SCAPER: variants seen among roughly 807,000 people sequenced by gnomAD.
SCAPER encodes the protein S-phase cyclin A associated protein in the ER, also known as S phase cyclin A-associated protein in the endoplasmic reticulum.
Under a neutral mutation model 182.2 loss-of-function variants are expected in SCAPER, and 98 were observed. The ratio of observed to expected loss-of-function variants is 0.54; its 90% CI spans 0.46 to 0.64. The LOEUF (loss-of-function observed/expected upper bound fraction) is 0.64, where lower values mean the gene tolerates loss of function less well. Ranked by LOEUF, SCAPER falls within the 30% of genes least tolerant of loss-of-function variation. The pLI is 0.00. For missense variants in SCAPER, 1,432 were observed against 1,690.0 expected, an observed-to-expected ratio of 0.85 and a Z score of 2.68; for synonymous variants, 605 against 564.6, an observed-to-expected ratio of 1.07 and a Z score of -1.01.
At chr15:76,736,127 T>C (rs1329135281) in intron 15 of SCAPER, among the ~76,000 whole-genome samples, 3 of 152,260 alleles carry the variant, frequency 2.0e-5, no homozygotes, top group Non-Finnish European at 4.4e-5. Context: ...TCCCAATGCA[T>C]ATAAGTTATT....
At chr15:76,798,128 G>A (rs1489206443) in intron 7 of SCAPER, among the ~76,000 whole-genome samples, 2 of 152,096 alleles carry the variant, frequency 1.3e-5, no homozygotes, top group African/African-American at 2.4e-5. Flanking sequence ...GGGAGCCCAA[G>A]GAGGGTGGAT....
At chr15:76,502,765 G>A (rs1375429220) in intron 24 of SCAPER, among the ~76,000 whole-genome samples, 1 of 152,154 alleles carries the variant, frequency 6.6e-6, no homozygotes, top group Non-Finnish European at 1.5e-5. Context: ...AAAGTGAGAT[G>A]AAGGAACAAG....
At chr15:76,623,605 C>T (rs763414356) in intron 21 of SCAPER, among the ~76,000 whole-genome samples, 8 of 152,068 alleles carry the variant, frequency 5.3e-5, no homozygotes, top group South Asian at 2.1e-4. Flanking sequence ...ATTGGTCTTA[C>T]GTGTCTGCTT....
Position 76,753,811 on chromosome 15 carries a change from A to G in SCAPER, c.1863T>C (p.Ala621=). 6.2e-7 allele frequency: 1 copy of G among 1,612,286 alleles called. No homozygotes were observed. Among genetic ancestry groups the G allele is most frequent in the Non-Finnish European group, 8.5e-7 (1 of 1,178,898 alleles). Residue 621 remains alanine (A), a synonymous_variant, in exon 15 of 32, where the codon GCT becomes GCC. Coordinates refer to ENST00000563290, the MANE Select transcript of SCAPER (RefSeq NM_020843.4). ...ATTTAAAGCTCTTATGATATACCTTAGCTTCTTCTTCTTGTGCTTTTTTCA... is the reference window on the plus strand; with the variant it reads ...ATTTAAAGCTCTTATGATATACCTTGGCTTCTTCTTCTTGTGCTTTTTTCA... The part of the protein sequence containing the change: ...AIVKKAQEEE[A]KVNEIAFINT...
At chr15:76,894,251 C>CAA (rs35527863) in intron 1 of SCAPER, among the ~76,000 whole-genome samples, 31 of 145,052 alleles carry the variant, frequency 2.1e-4, no homozygotes, top group Admixed American at 4.8e-4. Context: ...AATTTCAACT[C>CAA]AAAAAAAAAA....
chr15:76,897,702 C>T (rs62027262), intron 1 of SCAPER, among the ~76,000 whole-genome samples: 10,190 of 151,600 alleles, frequency 0.067, 377 homozygotes, highest in Middle Eastern at 0.11. Context: ...GACTCTATCT[C>T]GAAAAAAAAG....
rs920800317 is a variant in SCAPER, at chr15:76,381,227, T to C, written c.3705+151A>G. The C allele has an allele frequency of 1.2e-5, 5 of 415,118 alleles. No individual in the cohort carries two copies. The Admixed American group carries it at 2.0e-4, about 17-fold the overall frequency. The allele number at this position is 415,118 out of a possible 1,614,324, so 25.7% of individuals were successfully genotyped here. On this transcript the variant is annotated intron_variant, in intron 28 of 31. Transcript: ENST00000563290. ...AGCATCTAATACAGTTCCCAGAAAA[T>C]AGTAGTTTAATAAATTATAATATAT...
At chr15:76,578,389 C>T (rs140300232) in intron 22 of SCAPER, among the ~76,000 whole-genome samples, 323 of 152,280 alleles carry the variant, frequency 2.1e-3, no homozygotes, top group African/African-American at 7.6e-3. Flanking sequence ...GGTTACTGTG[C>T]GCCTTGGGCG....
chr15:76,393,705 T>C (rs541057300), intron 27 of SCAPER, among the ~76,000 whole-genome samples: 15 of 152,296 alleles, frequency 9.8e-5, no homozygotes, highest in Admixed American at 2.0e-4. Flanking sequence ...CCTTGGTGAA[T>C]AGAATGTAGT....
At chr15:76,585,325 TAAAAATAAAAAAA>T (rs1164959481) in intron 22 of SCAPER, among the ~76,000 whole-genome samples, 3 of 151,792 alleles carry the variant, frequency 2.0e-5, no homozygotes, top group Non-Finnish European at 4.4e-5. Context: ...AAGAGAATAT[TAAAAATAAAAAAA>T]AAAGTTGAGT....
intron 26 of SCAPER, among the ~76,000 whole-genome samples, chr15:76,419,346 A>AG (rs1032606492): frequency 2.0e-5 from 3 of 149,918 alleles, no homozygotes; most frequent in East Asian, 2.0e-4. Context: ...AAAAAAAAAA[A>AG]AAAAGAAAAG....
chr15:76,551,815 A>T (rs2045795270), intron 23 of SCAPER, among the ~76,000 whole-genome samples: 1 of 152,136 alleles, frequency 6.6e-6, no homozygotes, highest in Non-Finnish European at 1.5e-5. Flanking sequence ...TACCCCCATA[A>T]ATATGTGCAA....
At chr15:76,797,536 T>C (rs1402006229) in intron 7 of SCAPER, 1 of 152,166 alleles carries the variant, frequency 6.6e-6, no homozygotes, top group Non-Finnish European at 1.5e-5. Flanking sequence ...CCCTAATCTC[T>C]TACCTATGAC....
chr15:76,686,445 A>G (rs2058043512), intron 20 of SCAPER, among the ~76,000 whole-genome samples: 1 of 152,136 alleles, frequency 6.6e-6, no homozygotes, highest in Non-Finnish European at 1.5e-5. Context: ...TATAACTCTT[A>G]TACGTCACTG....
At chr15:76,526,831 T>C (rs1038560632) in intron 23 of SCAPER, among the ~76,000 whole-genome samples, 1 of 152,064 alleles carries the variant, frequency 6.6e-6, no homozygotes, top group Non-Finnish European at 1.5e-5. Context: ...ACTAAATATA[T>C]TTCCTGAAAA....
intron 2 of SCAPER, among the ~76,000 whole-genome samples, chr15:76,863,428 GC>G (rs2072032098): frequency 1.3e-5 from 2 of 152,104 alleles, no homozygotes; most frequent in African/African-American, 4.8e-5. Context: ...TATAGTTCTT[GC>G]CAGCCTGGAC....
intron 25 of SCAPER, among the ~76,000 whole-genome samples, chr15:76,466,293 T>A (rs2049610483): frequency 6.6e-6 from 1 of 151,910 alleles, no homozygotes; most frequent in African/African-American, 2.4e-5. Flanking sequence ...GGGTGGATAA[T>A]GTCAAATAAC....
chr15:76,612,216 G>C (rs901964539), intron 22 of SCAPER, among the ~76,000 whole-genome samples: 12 of 151,646 alleles, frequency 7.9e-5, no homozygotes, highest in African/African-American at 2.9e-4. Flanking sequence ...AGCCCAAAAA[G>C]CTGCTGCTGC....
At chr15:76,649,733 A>G (rs1350914992) in intron 21 of SCAPER, among the ~76,000 whole-genome samples, 1 of 151,850 alleles carries the variant, frequency 6.6e-6, no homozygotes, top group Non-Finnish European at 1.5e-5. Context: ...TTAAGAGATG[A>G]AAGAAAAAAA....
Sources: allele counts gnomAD v4.1 joint callset (sites outside exome capture counted in the v4.1 genomes callset), GRCh38; gene constraint gnomAD v4.1.1; transcripts MANE v1.5; gene names NCBI Gene and HGNC (gene_info 2026-07-23, HGNC 2026-07-21).